Variants in MYO16 observed in about 807,000 individuals in gnomAD.
The protein encoded by MYO16 is myosin XVI, also known as unconventional myosin-XVI.
In MYO16, 94 loss-of-function variants were observed where a neutral mutation model predicts 205.3. The observed-to-expected ratio is 0.46, with a 90% confidence interval of 0.39 to 0.54. The LOEUF (loss-of-function observed/expected upper bound fraction) is 0.54, where lower values mean the gene tolerates loss of function less well. Among genes scored for constraint, MYO16 ranks in the 20% least tolerant of loss-of-function variants. The probability of loss-of-function intolerance (pLI) is 0.00; values close to 1 mark genes in which losing one functional copy is unlikely to be tolerated. For synonymous variants in MYO16, 988 were observed against 954.0 expected (o/e 1.04, Z -0.66); for missense variants, 2,315 against 2,387.5 (o/e 0.97, Z 0.63).
At chr13:108,976,170 C>CT (rs1884248477) in intron 20 of MYO16, among the ~76,000 whole-genome samples, 1 of 152,066 alleles carries the variant, frequency 6.6e-6, no homozygotes, top group Non-Finnish European at 1.5e-5. Context: ...AGAAATTAAA[C>CT]TTTTTTCACT....
At chr13:109,088,872 C>T (rs1262926126) in intron 27 of MYO16, among the ~76,000 whole-genome samples, 1 of 152,220 alleles carries the variant, frequency 6.6e-6, no homozygotes, top group African/African-American at 2.4e-5. Context: ...GTCCCGCAAC[C>T]GCTCAGGAGG....
At chr13:108,828,108 G>A (rs543363960) in intron 9 of MYO16, among the ~76,000 whole-genome samples, 1 of 152,278 alleles carries the variant, frequency 6.6e-6, no homozygotes, top group Admixed American at 6.5e-5. Flanking sequence ...TTAACTCTCA[G>A]AACAACACCT....
chr13:108,948,288 C>G (rs996778086), intron 16 of MYO16, among the ~76,000 whole-genome samples: 3 of 152,168 alleles, frequency 2.0e-5, no homozygotes, highest in Non-Finnish European at 2.9e-5. Flanking sequence ...TAGCTCTGCG[C>G]ACAATAGAGA....
chr13:108,604,614 T>A (rs141702356), intron 1 of MYO16, among the ~76,000 whole-genome samples: 397 of 152,334 alleles, frequency 2.6e-3, no homozygotes, highest in Middle Eastern at 0.017. Flanking sequence ...TTTGAATTGT[T>A]GAAGTCATCT....
intron 2 of MYO16, among the ~76,000 whole-genome samples, chr13:108,698,281 A>G (rs927736192): frequency 5.3e-5 from 8 of 152,218 alleles, no homozygotes; most frequent in Non-Finnish European, 1.2e-4. Context: ...GAACAGCTAA[A>G]GGAGGTAATG....
At chr13:108,747,534 T>C (rs1885103551) in intron 4 of MYO16, among the ~76,000 whole-genome samples, 1 of 152,112 alleles carries the variant, frequency 6.6e-6, no homozygotes, top group Non-Finnish European at 1.5e-5. Context: ...TTCAAAAGTA[T>C]AATTGTCGTG....
intron 20 of MYO16, among the ~76,000 whole-genome samples, chr13:108,985,230 G>A (rs939131481): frequency 6.6e-6 from 1 of 152,184 alleles, no homozygotes; most frequent in Admixed American, 6.5e-5. Flanking sequence ...TTGACTTCAC[G>A]TGCTGCTGTT....
chr13:109,194,101 G>A (rs1392490074), intron 34 of MYO16, among the ~76,000 whole-genome samples: 1 of 151,984 alleles, frequency 6.6e-6, no homozygotes, highest in Non-Finnish European at 1.5e-5. Context: ...CTTGTGTCTT[G>A]TCTAAGCATC....
At chr13:108,609,408 G>A (rs1879088326) in intron 1 of MYO16, among the ~76,000 whole-genome samples, 1 of 152,176 alleles carries the variant, frequency 6.6e-6, no homozygotes, top group South Asian at 2.1e-4. Context: ...ATGAGGGCAG[G>A]GCCCAGGTCT....
At position 108,943,390 on chromosome 13, in the gene MYO16, C is replaced by G. The variant is rs192168661; in HGVS notation, c.1926-14298C>G. 5.3e-5 allele frequency among the ~76,000 whole-genome samples: 8 copies of G among 152,266 alleles called. No individual in the cohort carries two copies. In the East Asian group the frequency reaches 1.5e-3, roughly 29 times the overall value. On this transcript the variant is annotated intron_variant, in intron 16 of 34. Transcript: ENST00000457511. ...TCTAGATCATTATATAGATGTAGTA[C>G]TTTTGTTTAAGGGTGATATCATCAA... is the stretch of plus-strand genomic sequence containing the variant.
chr13:108,739,626 T>C (rs933159746), intron 4 of MYO16, among the ~76,000 whole-genome samples: 4 of 152,192 alleles, frequency 2.6e-5, no homozygotes, highest in African/African-American at 4.8e-5. Flanking sequence ...GGAGTTGCTC[T>C]TCTCGAGGAG....
intron 33 of MYO16, among the ~76,000 whole-genome samples, chr13:109,173,614 G>A (rs961198730): frequency 2.0e-5 from 3 of 152,060 alleles, no homozygotes; most frequent in Non-Finnish European, 2.9e-5. Context: ...AGAGTGTCTC[G>A]GCCGGGCGCG....
chr13:108,785,751 A>G lies in MYO16; in HGVS notation c.616+8A>G. 1 of 1,507,558 alleles carries G rather than the reference A, an allele frequency of 6.6e-7. No homozygotes were observed. Among genetic ancestry groups the G allele is most frequent in the Non-Finnish European group, 9.1e-7 (1 of 1,096,460 alleles). 93.4% of individuals were successfully genotyped at this position (1,507,558 alleles called of 1,614,324 possible). ...CCTATCTGGATGAAAATGGTAGGCA[A>G]AAACTTTTAAAACCATAGAAAAAAA... On this transcript the variant is annotated splice_region_variant and intron_variant, in intron 5 of 34. Transcript: ENST00000457511.
At chr13:108,873,861 TATC>T (rs892724376) in intron 12 of MYO16, among the ~76,000 whole-genome samples, 1 of 152,238 alleles carries the variant, frequency 6.6e-6, no homozygotes, top group Non-Finnish European at 1.5e-5. Flanking sequence ...AGACACGTAA[TATC>T]ATTCATTTTA....
upstream of MYO16, among the ~76,000 whole-genome samples, chr13:108,625,992 G>A (rs1440094135): frequency 2.6e-5 from 4 of 152,116 alleles, no homozygotes; most frequent in South Asian, 2.1e-4. Context: ...GGGCCTTTTT[G>A]GAGCTGTGTC....
chr13:108,783,996 C>T (rs533578321), intron 4 of MYO16, among the ~76,000 whole-genome samples: 2 of 152,298 alleles, frequency 1.3e-5, no homozygotes, highest in Non-Finnish European at 2.9e-5. Context: ...TGATGTAGGG[C>T]CAAGGCATGG....
At chr13:108,498,079 G>A in the MYO16 span, among the ~76,000 whole-genome samples, 2 of 152,188 alleles carry the variant, frequency 1.3e-5, no homozygotes, top group African/African-American at 2.4e-5. Context: ...TTGCATAAGT[G>A]AGAAGAGATA....
At chr13:108,562,720 A>G in the MYO16 span, among the ~76,000 whole-genome samples, 1 of 152,206 alleles carries the variant, frequency 6.6e-6, no homozygotes, top group African/African-American at 2.4e-5. Context: ...GTTTAGAAAT[A>G]CAAACACTTT....
chr13:108,966,883 C>A (rs575114040), intron 20 of MYO16, among the ~76,000 whole-genome samples: 9 of 152,144 alleles, frequency 5.9e-5, no homozygotes, highest in African/African-American at 2.2e-4. Flanking sequence ...ATTTGGATAA[C>A]CTTAGAATAG....
Sources: gnomAD v4.1 joint callset for allele counts (sites outside exome capture counted in the v4.1 genomes callset) on GRCh38, gnomAD v4.1.1 for gene constraint, MANE v1.5 for transcripts, NCBI Gene and HGNC (gene_info 2026-07-23, HGNC 2026-07-21) for gene names.